The following SMTNL2 variants were observed in gnomAD, a reference collection of about 807,000 sequenced individuals.
The protein encoded by SMTNL2 is smoothelin like 2.
In SMTNL2, 43 loss-of-function variants were observed where a neutral mutation model predicts 44.1. The observed-to-expected ratio is 0.98, with a 90% CI of 0.76 to 1.26. The LOEUF (loss-of-function observed/expected upper bound fraction) is 1.26. Among genes scored for constraint, SMTNL2 ranks in the 50% most tolerant of loss-of-function variants. The probability of loss-of-function intolerance (pLI) is 0.00; values close to 1 mark genes in which losing one functional copy is unlikely to be tolerated. For synonymous variants in SMTNL2, 317 were observed against 287.6 expected (o/e 1.10, Z -1.03); for missense variants, 646 against 670.2 (o/e 0.96, Z 0.40).
Position 4,598,522 on chromosome 17 carries a change from C to T in SMTNL2, c.1259+1199C>T, listed in dbSNP as rs1005379057. 6.6e-6 allele frequency among the ~76,000 whole-genome samples: 1 copy of T among 152,170 alleles called. No individual in the cohort carries two copies. Among genetic ancestry groups the T allele is most frequent in the Non-Finnish European group, 1.5e-5 (1 of 68,016 alleles). On this transcript the variant is annotated intron_variant, in intron 7 of 7. Transcript: ENST00000389313. The surrounding 1 kb of genome is among the most constrained non-coding windows in gnomAD (Gnocchi z 4.8). ...GTTTCTGGTCTGAGTCCTCAGTGCC[C>T]ACATTTAAGAGTGGTCCTTGGCCGG... is the stretch of plus-strand genomic sequence containing the variant.
chr17:4,594,860 G>A (rs1386871688), intron 4 of SMTNL2, among the ~76,000 whole-genome samples: 1 of 152,176 alleles, frequency 6.6e-6, no homozygotes, highest in East Asian at 1.9e-4. Flanking sequence ...TGCCTGAGGA[G>A]GGGGTCCCTC....
chr17:4,591,021 A>T (rs2150520077), intron 1 of SMTNL2, among the ~76,000 whole-genome samples: 1 of 152,298 alleles, frequency 6.6e-6, no homozygotes, highest in Admixed American at 6.5e-5. Context: ...CTCTGCTGGG[A>T]GTGCCCTCCC....
At position 4,584,666 on chromosome 17, in the gene SMTNL2, G is replaced by C; in HGVS notation, c.61G>C (p.Glu21Gln). 1.6e-6 allele frequency: 2 copies of C among 1,275,872 alleles called. No homozygotes were observed. The highest frequency in any genetic ancestry group is 2.6e-5 in the South Asian group (1 of 38,278). The allele number at this position is 1,275,872 out of a possible 1,614,324, so 79.0% of individuals were successfully genotyped here. A position where few individuals can be genotyped will look rare whatever the true frequency, so the allele number is the denominator to read the frequency against. Residue 21 changes from glutamate (E) to glutamine (Q), a missense_variant, in exon 1 of 8, where the codon GAG becomes CAG. By Grantham distance (29) the Glu-to-Gln change is conservative (BLOSUM62 2). Coordinates refer to ENST00000389313, the MANE Select transcript of SMTNL2 (RefSeq NM_001114974.2). ...RTVREALGRY[E>Q]AALEGAVRAL... ...TGTGCGCGAGGCGCTGGGCCGCTAC[G>C]AGGCGGCGCTGGAGGGTGCGGTGCG...
chr17:4,595,224 C>T lies in SMTNL2; in HGVS notation c.886C>T (p.Arg296Cys), dbSNP rs1012322668. 2.5e-6 allele frequency: 4 copies of T among 1,613,130 alleles called. No homozygotes were observed. Among genetic ancestry groups the T allele is most frequent in the East Asian group, 2.2e-5 (1 of 44,880 alleles). Residue 296 changes from arginine (R) to cysteine (C), a missense_variant, in exon 5 of 8, where the codon CGT becomes TGT. Transcript: ENST00000389313. This position sits in a 1 kb window ranked among gnomAD's most constrained non-coding sequence, Gnocchi z 5.1. ...AACTCAGGTCCATCGGCAGGGGGAG[C>T]GTCGCAGGGAGCTGGTGAGGTCGCA... is the stretch of plus-strand genomic sequence containing the variant. Reference protein sequence around the residue: ...AITQVHRQGERRRELVRSQTL... With the variant: ...AITQVHRQGECRRELVRSQTL...
intron 1 of SMTNL2, 143 bp downstream of exon 1, chr17:4,585,147 C>T: frequency 5.7e-6 from 6 of 1,056,912 alleles, no homozygotes; most frequent in Non-Finnish European, 7.2e-6. Flanking sequence ...GATGGGGGTC[C>T]TGCCGCCCCT....
rs185565336 is a variant in SMTNL2, at chr17:4,607,342, C to T, written c.1260-19C>T. 4.8e-5 allele frequency: 77 copies of T among 1,613,702 alleles called. No homozygotes were observed. Among genetic ancestry groups the T allele is most frequent in the East Asian group, 2.2e-5 (1 of 44,864 alleles). ...CTGATGGCTGGGACCACCGTTCTGA[C>T]GGGGCTTGTGTGTTTCAGGAATCTG... On this transcript the variant is annotated intron_variant, in intron 7 of 7. Coordinates refer to ENST00000389313, the MANE Select transcript of SMTNL2 (RefSeq NM_001114974.2). This position sits in a 1 kb window ranked among gnomAD's most constrained non-coding sequence, Gnocchi z 4.7.
upstream of SMTNL2, among the ~76,000 whole-genome samples, chr17:4,584,283 G>A (rs980752055): frequency 1.3e-5 from 2 of 152,170 alleles, no homozygotes; most frequent in African/African-American, 2.4e-5. Context: ...TACGGTCCAG[G>A]GGGGCCAGGG....
chr17:4,606,472 A>G (rs1597419940), intron 7 of SMTNL2, among the ~76,000 whole-genome samples: 1 of 151,824 alleles, frequency 6.6e-6, no homozygotes, highest in East Asian at 1.9e-4. Context: ...ATTTAAATAC[A>G]ATATGCCAGG....
Position 4,607,706 on chromosome 17 carries a change from T to G in SMTNL2, c.*219T>G. 1.6e-6 allele frequency: 1 copy of G among 610,500 alleles called. No individual in the cohort carries two copies. The allele number at this position is 610,500 out of a possible 1,614,324, so 37.8% of individuals were successfully genotyped here. On this transcript the variant is annotated 3_prime_UTR_variant, in exon 8 of 8. Transcript: ENST00000389313. This position sits in a 1 kb window ranked among gnomAD's most constrained non-coding sequence, Gnocchi z 4.7. ...ACAGCACTGATCACAGCCAAGGGCT[T>G]GGAGGAAAAGGAAAAATTATGAGAG...
Position 4,592,864 on chromosome 17 carries a change from G to T in SMTNL2, c.488-65G>T. 1 of 1,560,642 alleles carries T rather than the reference G, an allele frequency of 6.4e-7. No homozygotes were observed. Among genetic ancestry groups the T allele is most frequent in the Non-Finnish European group, 8.7e-7 (1 of 1,149,878 alleles). ...GGCCCAGGGAGGCTAGAGCCCTCCT[G>T]GGAGGTCCCAGGCCCCTGTGGCTGC... On this transcript the variant is annotated intron_variant, in intron 2 of 7. Coordinates refer to ENST00000389313, the MANE Select transcript of SMTNL2 (RefSeq NM_001114974.2). The surrounding 1 kb of genome is among the most constrained non-coding windows in gnomAD (Gnocchi z 4.5).
At chr17:4,588,412 G>A (rs1269643128) in intron 1 of SMTNL2, among the ~76,000 whole-genome samples, 1 of 152,134 alleles carries the variant, frequency 6.6e-6, no homozygotes, top group Non-Finnish European at 1.5e-5. Flanking sequence ...AAACAAAGCC[G>A]AGCTGGGGAA....
At chr17:4,594,190 T>C (rs904786873) in intron 4 of SMTNL2, among the ~76,000 whole-genome samples, 1 of 152,144 alleles carries the variant, frequency 6.6e-6, no homozygotes, top group Non-Finnish European at 1.5e-5. Context: ...GGCTCACACC[T>C]GTAATCCCAG....
rs532426672 is a variant in SMTNL2, at chr17:4,600,716, G to C, written c.1259+3393G>C. 3.9e-5 allele frequency among the ~76,000 whole-genome samples: 6 copies of C among 152,300 alleles called. No individual in the cohort carries two copies. The highest frequency in any genetic ancestry group is 1.4e-4 in the African/African-American group (6 of 41,558). On this transcript the variant is annotated intron_variant, in intron 7 of 7. Coordinates refer to ENST00000389313, the MANE Select transcript of SMTNL2 (RefSeq NM_001114974.2). This position sits in a 1 kb window ranked among gnomAD's most constrained non-coding sequence, Gnocchi z 4.7. ...AGGACCGGCCCCTTTTATGGAAGGG[G>C]CTGAGTCGGGCGGGCGCCTGACCCT...
rs374379801 is a variant in SMTNL2, at chr17:4,596,870, G to A, written c.1000G>A (p.Glu334Lys). 2.7e-6 allele frequency: 4 copies of A among 1,480,486 alleles called. No homozygotes were observed. The highest frequency in any genetic ancestry group is 1.4e-5 in the African/African-American group (1 of 70,912). The allele number at this position is 1,480,486 out of a possible 1,614,324, so 91.7% of individuals were successfully genotyped here. ...GCCGTCTCTCCGCAGGGGGAAAGGC[G>A]AGGCCCGGGCCAGGCTGAAGCGGTC... is the stretch of plus-strand genomic sequence containing the variant. ...QETAAGKGKGEARARLKRSQS... is the reference protein window; with the variant it reads ...QETAAGKGKGKARARLKRSQS... The change falls in exon 6 of 8, where the codon GAG (glutamate) becomes AAG (lysine). Residue 334 changes from glutamate (E) to lysine (K), a missense_variant. By Grantham distance (56) the Glu-to-Lys change is moderately conservative (BLOSUM62 1). Coordinates refer to ENST00000389313, the MANE Select transcript of SMTNL2 (RefSeq NM_001114974.2).
chr17:4,597,504 G>A (rs541502879), intron 7 of SMTNL2, among the ~76,000 whole-genome samples, 181 bp downstream of exon 7: 12 of 152,326 alleles, frequency 7.9e-5, no homozygotes, highest in Middle Eastern at 3.4e-3. Flanking sequence ...CCTGGAGAGG[G>A]ATTTTCCCAG....
At position 4,595,473 on chromosome 17, in the gene SMTNL2, CAA is replaced by C; in HGVS notation, c.989+148_989+149del. On this transcript the variant is annotated intron_variant, in intron 5 of 7. Coordinates refer to ENST00000389313, the MANE Select transcript of SMTNL2 (RefSeq NM_001114974.2). This position sits in a 1 kb window ranked among gnomAD's most constrained non-coding sequence, Gnocchi z 5.1. ...AGGACAAGATCTCTTGGGCAAGGCA[CAA>C]AGTTAGGGCTGGGCCACAGGGCAGC... 2.4e-6 allele frequency: 3 copies of C among 1,228,510 alleles called. No homozygotes were observed. Among genetic ancestry groups the C allele is most frequent in the Non-Finnish European group, 3.3e-6 (3 of 895,676 alleles). 76.1% of individuals were successfully genotyped at this position (1,228,510 alleles called of 1,614,324 possible).
In SMTNL2 at chr17:4,586,939, G is replaced by GAAGC. The variant is rs1909367734; in HGVS notation, c.399+1936_399+1939dup. Among the ~76,000 whole-genome samples the GAAGC allele has an allele frequency of 2.6e-5, 4 of 152,314 alleles. No individual in the cohort carries two copies. In the South Asian group the frequency reaches 8.3e-4, roughly 32 times the overall value. On this transcript the variant is annotated intron_variant, in intron 1 of 7. Transcript: ENST00000389313. ...TGAGGGGACTATGGGAACTCCAGGT[G>GAAGC]AAGCTGTCCCAGAGCAGGTGGATTC...
At chr17:4,585,346 G>A (rs937935421) in intron 1 of SMTNL2, among the ~76,000 whole-genome samples, 2 of 152,232 alleles carry the variant, frequency 1.3e-5, no homozygotes, top group African/African-American at 4.8e-5. Context: ...CTGGAGCCAC[G>A]CGGGGCATGT....
At chr17:4,590,186 T>C (rs1345948123) in intron 1 of SMTNL2, among the ~76,000 whole-genome samples, 1 of 151,920 alleles carries the variant, frequency 6.6e-6, no homozygotes, top group East Asian at 1.9e-4. Context: ...AGGCTGGTCT[T>C]GAACTCGTGA....
Sources: gnomAD v4.1 joint callset for allele counts (sites outside exome capture counted in the v4.1 genomes callset) on GRCh38, gnomAD v4.1.1 for gene constraint, Gnocchi (gnomAD v3.1) non-coding constraint, MANE v1.5 for transcripts, NCBI Gene and HGNC (gene_info 2026-07-23, HGNC 2026-07-21) for gene names.